Variants in ERC2 observed in about 807,000 individuals in gnomAD.
The protein encoded by ERC2 is ERC protein 2.
A neutral mutation model predicts 114.8 loss-of-function variants in ERC2; 42 were observed. The observed-to-expected ratio is 0.37, with a 90% CI of 0.29 to 0.47. The LOEUF is 0.47. Ranked by LOEUF, ERC2 falls within the 20% of genes least tolerant of loss-of-function variation. The pLI is 0.99. For missense variants in ERC2, 939 were observed against 1,150.7 expected (o/e 0.82, Z 2.66); for synonymous variants, 454 against 425.5 (o/e 1.07, Z -0.82).
intron 17 of ERC2, among the ~76,000 whole-genome samples, chr3:55,625,374 G>GAAAAAA (rs60450668): frequency 8.3e-5 from 10 of 119,878 alleles, no homozygotes; most frequent in Non-Finnish European, 1.2e-4. Flanking sequence ...CTCAAAAAAA[G>GAAAAAA]AAAAAAAAAA....
intron 11 of ERC2, among the ~76,000 whole-genome samples, chr3:55,987,314 G>C (rs1359259991): frequency 6.6e-6 from 1 of 152,202 alleles, no homozygotes; most frequent in Admixed American, 6.5e-5. Context: ...ATCAAGGTCT[G>C]TGGCCAAGCC....
chr3:56,008,760 G>A (rs570818246), intron 9 of ERC2, among the ~76,000 whole-genome samples: 1 of 152,256 alleles, frequency 6.6e-6, no homozygotes, highest in South Asian at 2.1e-4. Flanking sequence ...GCATGGGCCT[G>A]ATCCCATCAA....
At chr3:56,446,625 C>CTTTT (rs1318263302) in intron 1 of ERC2, among the ~76,000 whole-genome samples, 9 of 112,336 alleles carry the variant, frequency 8.0e-5, no homozygotes, top group African/African-American at 1.0e-4. Flanking sequence ...TTTTTTTTTT[C>CTTTT]TTTCTTTTTT....
At chr3:55,660,691 C>T (rs887425090) in intron 17 of ERC2, among the ~76,000 whole-genome samples, 3 of 152,052 alleles carry the variant, frequency 2.0e-5, no homozygotes, top group South Asian at 2.1e-4. Flanking sequence ...TAATTGGGGT[C>T]GTGGTGCACT....
chr3:55,687,913 C>A (rs575973107), intron 16 of ERC2, among the ~76,000 whole-genome samples: 1 of 152,340 alleles, frequency 6.6e-6, no homozygotes, highest in East Asian at 1.9e-4. Flanking sequence ...AAATGTGGGG[C>A]ACCGAGCCTC....
intron 2 of ERC2, among the ~76,000 whole-genome samples, chr3:56,317,160 G>T (rs1405389556): frequency 6.6e-6 from 1 of 152,246 alleles, no homozygotes; most frequent in African/African-American, 2.4e-5. Flanking sequence ...CAGCACAGAG[G>T]AGGGAGGCAT....
chr3:55,874,637 C>T lies in ERC2; in HGVS notation c.2564+13752G>A, dbSNP rs553460157. 7.2e-5 allele frequency among the ~76,000 whole-genome samples: 11 copies of T among 152,138 alleles called. No homozygotes were observed. The South Asian group carries it at 1.9e-3, about 26-fold the overall frequency. Reference sequence around the variant, plus strand: ...ATCTGACCGCGGCACCATGGCCTTCCCCACTGTACTGGTCTGAGTCCTGAA... The same window carrying T: ...ATCTGACCGCGGCACCATGGCCTTCTCCACTGTACTGGTCTGAGTCCTGAA... On this transcript the variant is annotated intron_variant, in intron 14 of 17. Coordinates refer to ENST00000288221, the MANE Select transcript of ERC2 (RefSeq NM_015576.3).
intron 4 of ERC2, among the ~76,000 whole-genome samples, chr3:56,171,053 T>G (rs1401780230): frequency 2.0e-5 from 3 of 152,084 alleles, no homozygotes; most frequent in Non-Finnish European, 4.4e-5. Flanking sequence ...CTTGAGCCAA[T>G]GCACCTGGCC....
Position 56,380,004 on chromosome 3 carries a change from T to G in ERC2, c.657+54347A>C, listed in dbSNP as rs565298399. 9.9e-5 allele frequency among the ~76,000 whole-genome samples: 15 copies of G among 152,220 alleles called. No homozygotes were observed. In the South Asian group the frequency reaches 3.1e-3, roughly 32 times the overall value. On this transcript the variant is annotated intron_variant, in intron 2 of 17. Coordinates refer to ENST00000288221, the MANE Select transcript of ERC2 (RefSeq NM_015576.3). ...AGTAATGATTGTAGGAGCTGTCCTG[T>G]GCATTGCAGGATGTTGAACAGCACC...
intron 12 of ERC2, among the ~76,000 whole-genome samples, chr3:55,953,659 C>T (rs1371482584): frequency 6.6e-6 from 1 of 151,960 alleles, no homozygotes; most frequent in Non-Finnish European, 1.5e-5. Context: ...TCAGGGAAGC[C>T]CTAAGGCTAC....
At chr3:56,456,178 T>C (rs957186118) in intron 1 of ERC2, among the ~76,000 whole-genome samples, 1 of 152,232 alleles carries the variant, frequency 6.6e-6, no homozygotes, top group Non-Finnish European at 1.5e-5. Flanking sequence ...AATGAAACCA[T>C]GGGATCATGA....
At chr3:55,616,500 A>G (rs946905828) in intron 17 of ERC2, among the ~76,000 whole-genome samples, 3 of 152,186 alleles carry the variant, frequency 2.0e-5, no homozygotes, top group African/African-American at 2.4e-5. Context: ...GACTGTGTAA[A>G]TATACACACA....
intron 2 of ERC2, among the ~76,000 whole-genome samples, chr3:56,379,782 A>G (rs1383295551): frequency 6.6e-6 from 1 of 152,220 alleles, no homozygotes; most frequent in Non-Finnish European, 1.5e-5. Context: ...AAATTCACCT[A>G]CAAGGTAAGG....
intron 2 of ERC2, among the ~76,000 whole-genome samples, chr3:56,422,593 C>T (rs537476154): frequency 1.3e-5 from 2 of 152,322 alleles, no homozygotes; most frequent in South Asian, 4.2e-4. Flanking sequence ...TCTTTGACAG[C>T]ATGCTGAAGA....
chr3:56,089,871 A>T (rs1022224982), intron 6 of ERC2, among the ~76,000 whole-genome samples: 1 of 152,196 alleles, frequency 6.6e-6, no homozygotes, highest in African/African-American at 2.4e-5. Flanking sequence ...GCTTTCATGG[A>T]CATGAAGCTT....
intron 2 of ERC2, among the ~76,000 whole-genome samples, chr3:56,342,714 A>G (rs1236844604): frequency 6.6e-6 from 1 of 152,176 alleles, no homozygotes; most frequent in Non-Finnish European, 1.5e-5. Context: ...GAGAGTGATT[A>G]CTCATTCATA....
chr3:56,173,290 A>G (rs1376240201), intron 4 of ERC2, among the ~76,000 whole-genome samples, 156 bp downstream of exon 4: 1 of 152,192 alleles, frequency 6.6e-6, no homozygotes, highest in Non-Finnish European at 1.5e-5. Flanking sequence ...AATACATTAA[A>G]TGTGCCCAGG....
chr3:55,521,293 G>A (rs969519094), intron 17 of ERC2, among the ~76,000 whole-genome samples: 1 of 152,196 alleles, frequency 6.6e-6, no homozygotes, highest in African/African-American at 2.4e-5. Context: ...GAGCAAGTGT[G>A]GGCAGGAAAC....
intron 4 of ERC2, among the ~76,000 whole-genome samples, chr3:56,161,680 C>T (rs2082056392): frequency 6.6e-6 from 1 of 152,028 alleles, no homozygotes; most frequent in South Asian, 2.1e-4. Flanking sequence ...AGACTGCATT[C>T]TTGATTTTGC....
Sources: allele counts gnomAD v4.1 joint callset (sites outside exome capture counted in the v4.1 genomes callset), GRCh38; gene constraint gnomAD v4.1.1; transcripts MANE v1.5; gene names NCBI Gene and HGNC (gene_info 2026-07-23, HGNC 2026-07-21).